Variants in LMLN observed in about 807,000 individuals in gnomAD.
LMLN encodes leishmanolysin-like peptidase.
Under a neutral mutation model 92.3 loss-of-function variants are expected in LMLN, and 70 were observed. The ratio of observed to expected loss-of-function variants is 0.76; its 90% confidence interval spans 0.63 to 0.92. LMLN has a LOEUF of 0.92. Among genes scored for constraint, LMLN ranks in the 40% least tolerant of loss-of-function variants. The pLI is 0.00. For synonymous variants in LMLN, 308 were observed against 296.2 expected, an observed-to-expected ratio of 1.04 and a Z score of -0.41; for missense variants, 691 against 814.6, an observed-to-expected ratio of 0.85 and a Z score of 1.85.
At chr3:197,984,679 G>A (rs1285927345) in intron 7 of LMLN, among the ~76,000 whole-genome samples, 1 of 151,680 alleles carries the variant, frequency 6.6e-6, no homozygotes, top group Admixed American at 6.6e-5. Flanking sequence ...AAACTCCTAG[G>A]CTCAAGTGAT....
intron 14 of LMLN, among the ~76,000 whole-genome samples, chr3:198,027,400 CCATTTT>C (rs1409137850): frequency 6.6e-6 from 1 of 152,038 alleles, no homozygotes; most frequent in Non-Finnish European, 1.5e-5. Flanking sequence ...ATAAACATTT[CCATTTT>C]AACTGTTTTT....
chr3:197,966,545 GTT>G (rs57088133), intron 1 of LMLN, among the ~76,000 whole-genome samples: 2 of 141,764 alleles, frequency 1.4e-5, no homozygotes, highest in African/African-American at 5.1e-5. Context: ...TTTTCTAAGA[GTT>G]TTTTTTTTTT....
rs561165210 is a variant in LMLN, at chr3:198,024,355, A to G, written c.1526-303A>G. On this transcript the variant is annotated intron_variant, in intron 13 of 15. Transcript: ENST00000330198. ...CTCAGCCTCCCGAGTAGCTGGGACT[A>G]CAGGCGCCCGCCACCGCGCCCGGCT... Among the ~76,000 whole-genome samples, 287 of 151,592 alleles carry G rather than the reference A, an allele frequency of 1.9e-3. 1 individual carries two copies. Among genetic ancestry groups the G allele is most frequent in the South Asian group, 0.01 (49 of 4,800 alleles).
chr3:197,988,705 G>C (rs1721782251), intron 8 of LMLN, among the ~76,000 whole-genome samples: 1 of 151,092 alleles, frequency 6.6e-6, no homozygotes, highest in Admixed American at 6.6e-5. Context: ...TTTTTGAGAT[G>C]GAGTCTCACT....
intron 12 of LMLN, among the ~76,000 whole-genome samples, chr3:198,020,768 ATTTTTTTTTTTTTTTTT>A (rs71166715): frequency 3.0e-5 from 1 of 32,860 alleles, no homozygotes; most frequent in African/African-American, 1.2e-4. Context: ...TAATTTTTGT[ATTTTTTTTTTTTTTTTT>A]TTTTTTTTTT....
chr3:197,985,969 G>C (rs1721695001), intron 8 of LMLN, 79 bp downstream of exon 8: 1 of 847,248 alleles, frequency 1.2e-6, no homozygotes, highest in Non-Finnish European at 1.9e-6. Context: ...CAGTATATTA[G>C]ATGCCATAAA....
At chr3:198,011,402 C>T (rs1256295225) in intron 11 of LMLN, among the ~76,000 whole-genome samples, 2 of 152,060 alleles carry the variant, frequency 1.3e-5, no homozygotes, top group Admixed American at 6.5e-5. Flanking sequence ...TGATAGTTTG[C>T]TGAGAATGAT....
intron 1 of LMLN, among the ~76,000 whole-genome samples, chr3:197,963,357 A>G (rs557932735): frequency 6.6e-6 from 1 of 151,980 alleles, no homozygotes; most frequent in Non-Finnish European, 1.5e-5. Context: ...AGTATGCGCC[A>G]CTACACTTGG....
At chr3:197,999,621 G>A (rs192560502) in intron 11 of LMLN, 10 of 329,976 alleles carry the variant, frequency 3.0e-5, no homozygotes, top group East Asian at 2.5e-4. Flanking sequence ...TGGACTTCCC[G>A]GGCTCAAGCA....
chr3:198,016,019 C>A (rs143405599), intron 11 of LMLN, among the ~76,000 whole-genome samples: 1 of 151,732 alleles, frequency 6.6e-6, no homozygotes, highest in Non-Finnish European at 1.5e-5. Flanking sequence ...GGCAACATGA[C>A]CCCATCTCTA....
At chr3:197,992,453 A>T (rs1456934922) in intron 9 of LMLN, among the ~76,000 whole-genome samples, 1 of 152,232 alleles carries the variant, frequency 6.6e-6, no homozygotes, top group Non-Finnish European at 1.5e-5. Flanking sequence ...GAAAGAGGAG[A>T]CATTACAGCT....
chr3:197,994,441 C>G (rs987133487), intron 9 of LMLN, among the ~76,000 whole-genome samples: 16 of 151,998 alleles, frequency 1.1e-4, no homozygotes, highest in African/African-American at 3.9e-4. Context: ...AAAAAATGGG[C>G]CAAGGACCTG....
intron 4 of LMLN, 59 bp downstream of exon 4, chr3:197,976,170 T>G: frequency 9.7e-7 from 1 of 1,027,548 alleles, no homozygotes; most frequent in South Asian, 1.5e-5. Flanking sequence ...GCCTTTCTCG[T>G]TCTATGAACA....
At chr3:198,018,288 G>A (rs1722693612) in intron 11 of LMLN, among the ~76,000 whole-genome samples, 1 of 152,208 alleles carries the variant, frequency 6.6e-6, no homozygotes, top group South Asian at 2.1e-4. Context: ...ATCATGGGAA[G>A]TTAAAATATT....
At chr3:197,996,320 T>A in intron 10 of LMLN, 38 bp downstream of exon 10, 1 of 1,248,164 alleles carries the variant, frequency 8.0e-7, no homozygotes, top group East Asian at 2.5e-5. Context: ...CTTTATTTAA[T>A]GAAAATAATT....
At chr3:198,001,171 G>A (rs1722161620) in intron 11 of LMLN, among the ~76,000 whole-genome samples, 1 of 151,998 alleles carries the variant, frequency 6.6e-6, no homozygotes, top group Non-Finnish European at 1.5e-5. Flanking sequence ...CTTCTCCTTT[G>A]GAATATTCAT....
intron 1 of LMLN, among the ~76,000 whole-genome samples, chr3:197,971,636 G>A (rs1721226799): frequency 6.6e-6 from 1 of 152,162 alleles, no homozygotes; most frequent in South Asian, 2.1e-4. Flanking sequence ...CCAGGCTGGA[G>A]TGCAGTGGCA....
Position 198,021,617 on chromosome 3 carries a change from A to G in LMLN, c.1525+12A>G, listed in dbSNP as rs374517281. 1.4e-4 allele frequency: 226 copies of G among 1,608,512 alleles called. No homozygotes were observed. Among genetic ancestry groups the G allele is most frequent in the Non-Finnish European group, 1.8e-4 (207 of 1,175,190 alleles). On this transcript the variant is annotated intron_variant, in intron 13 of 15. Transcript: ENST00000330198. ...GGAAAATCAACCAGGTTAGTCGGCT[A>G]GTGAAATGAAGTATTATATACATAT...
rs1420415144 is a variant in LMLN, at chr3:198,042,607, C to G, written c.*3940C>G. ...GCAGCTGTAGTGGAAGTGAGGGACA[C>G]AGGGAAGGAATGGGGAGCAGCAATT... On this transcript the variant is annotated 3_prime_UTR_variant, in exon 16 of 16. Transcript: ENST00000330198. This position sits in a 1 kb window ranked among gnomAD's most constrained non-coding sequence, Gnocchi z 4.2. 3.3e-5 allele frequency: 5 copies of G among 152,226 alleles called. No individual in the cohort carries two copies. The highest frequency in any genetic ancestry group is 7.3e-5 in the Non-Finnish European group (5 of 68,108). 9.4% of individuals were successfully genotyped at this position (152,226 alleles called of 1,614,324 possible).
Sources: allele counts gnomAD v4.1 joint callset (sites outside exome capture counted in the v4.1 genomes callset), GRCh38; gene constraint gnomAD v4.1.1; non-coding constraint Gnocchi (gnomAD v3.1); transcripts MANE v1.5; gene names NCBI Gene and HGNC (gene_info 2026-07-23, HGNC 2026-07-21).